The following SEM1 variants were observed in gnomAD, a reference collection of about 807,000 sequenced individuals.
The protein encoded by SEM1 is 26S proteasome complex subunit SEM1.
A neutral mutation model predicts 12.7 loss-of-function variants in SEM1; 3 were observed. The observed-to-expected ratio is 0.24, with a 90% CI of 0.11 to 0.61. The LOEUF is 0.61. Among genes scored for constraint, SEM1 ranks in the 20% least tolerant of loss-of-function variants. SEM1 has a pLI of 0.88. For missense variants in SEM1, 59 were observed against 81.3 expected, an observed-to-expected ratio of 0.73 and a Z score of 1.06; for synonymous variants, 30 against 27.8, an observed-to-expected ratio of 1.08 and a Z score of -0.25.
chr7:96,620,671 A>C (rs545974977), downstream of SEM1, among the ~76,000 whole-genome samples: 1 of 151,974 alleles, frequency 6.6e-6, no homozygotes, highest in Non-Finnish European at 1.5e-5. Flanking sequence ...GGTGCTTCCC[A>C]TGTCTTCTCT....
At chr7:96,491,067 G>A (rs546162099) in intron 1 of SEM1, among the ~76,000 whole-genome samples, 4 of 152,104 alleles carry the variant, frequency 2.6e-5, no homozygotes, top group Non-Finnish European at 1.5e-5. Context: ...CATGTATCTC[G>A]CTTTGCATTG....
intron 2 of SEM1, among the ~76,000 whole-genome samples, chr7:96,561,861 C>G (rs116719410): frequency 0.02 from 3,104 of 152,270 alleles, 93 homozygotes; most frequent in African/African-American, 0.07. Flanking sequence ...TCCTTAACAC[C>G]TAGGTGGAAA....
At chr7:96,498,810 G>A (rs1336555797), upstream of SEM1, among the ~76,000 whole-genome samples, 1 of 152,044 alleles carries the variant, frequency 6.6e-6, no homozygotes, top group Non-Finnish European at 1.5e-5. Context: ...AAGTAACCCT[G>A]TAACCTTGAG....
intron 2 of SEM1, among the ~76,000 whole-genome samples, chr7:96,634,795 A>C (rs1401896844): frequency 6.6e-6 from 1 of 151,940 alleles, no homozygotes; most frequent in African/African-American, 2.4e-5. Context: ...GGTGGAGAAG[A>C]GTAGGCAAGG....
At chr7:96,703,975 ACACAC>A (rs1790357126) in intron 1 of SEM1, among the ~76,000 whole-genome samples, 3 of 78,000 alleles carry the variant, frequency 3.8e-5, no homozygotes, top group Admixed American at 1.5e-4. Context: ...TCTTAAAAAC[ACACAC>A]ACACACACAC....
chr7:96,646,592 C>G (rs1161763395), intron 2 of SEM1, among the ~76,000 whole-genome samples: 2 of 152,096 alleles, frequency 1.3e-5, no homozygotes, highest in Admixed American at 1.3e-4. Flanking sequence ...TGCTGGCTGT[C>G]TATAATATGC....
chr7:96,582,601 C>G (rs566547910), intron 2 of SEM1, among the ~76,000 whole-genome samples: 49 of 152,304 alleles, frequency 3.2e-4, no homozygotes, highest in African/African-American at 1.2e-3. Context: ...CTGTCTGGTC[C>G]TAGACTCTTT....
chr7:96,708,943 TA>T (rs35050259), intron 1 of SEM1, among the ~76,000 whole-genome samples: 51,990 of 149,040 alleles, frequency 0.35, 10,263 homozygotes, highest in East Asian at 0.67. Flanking sequence ...GTTTTGAAGC[TA>T]AAAAAAAAAA....
chr7:96,636,275 A>C (rs1808421807), intron 2 of SEM1, among the ~76,000 whole-genome samples: 1 of 151,846 alleles, frequency 6.6e-6, no homozygotes, highest in Non-Finnish European at 1.5e-5. Flanking sequence ...AGGGCTTATA[A>C]CTCCTGGTTC....
At chr7:96,600,130 T>C (rs551047449) in intron 2 of SEM1, among the ~76,000 whole-genome samples, 1 of 151,578 alleles carries the variant, frequency 6.6e-6, no homozygotes, top group South Asian at 2.1e-4. Context: ...CTGATTTGCC[T>C]TTATTTTAAT....
downstream of SEM1, among the ~76,000 whole-genome samples, chr7:96,620,569 G>A (rs554274899): frequency 2.0e-5 from 3 of 152,252 alleles, no homozygotes; most frequent in East Asian, 1.9e-4. Flanking sequence ...AACCCATTTC[G>A]GAGCCCTGAG....
In SEM1 at chr7:96,643,729, C is replaced by G. The variant is rs547227367; in HGVS notation, c.171-21086G>C. 2.1e-3 allele frequency among the ~76,000 whole-genome samples: 313 copies of G among 152,206 alleles called. 1 individual carries two copies. The highest frequency in any genetic ancestry group is 7.3e-3 in the African/African-American group (302 of 41,526). On this transcript the variant is annotated intron_variant, in intron 2 of 2. Coordinates refer to the SEM1 transcript ENST00000417009. ...AACAGAAAACCAAACACCGCATGTT[C>G]TCACTCATAAATGGGAGTTGAACAA... is the stretch of plus-strand genomic sequence containing the variant.
upstream of SEM1, among the ~76,000 whole-genome samples, chr7:96,500,928 A>G (rs529197828): frequency 6.6e-6 from 1 of 151,966 alleles, no homozygotes; most frequent in East Asian, 1.9e-4. Flanking sequence ...TCTTGTTCTT[A>G]CTCCTTTTGC....
chr7:96,659,526 A>C (rs1179318378), intron 2 of SEM1, among the ~76,000 whole-genome samples: 1 of 152,212 alleles, frequency 6.6e-6, no homozygotes, highest in Non-Finnish European at 1.5e-5. Context: ...GAGAGACACA[A>C]GAGGAAAAGT....
At chr7:96,690,599 A>G (rs1253426818) in intron 2 of SEM1, among the ~76,000 whole-genome samples, 1 of 152,204 alleles carries the variant, frequency 6.6e-6, no homozygotes, top group Non-Finnish European at 1.5e-5. Flanking sequence ...CATACGACAT[A>G]CACAGTGAAC....
intron 2 of SEM1, among the ~76,000 whole-genome samples, chr7:96,552,640 G>A (rs954649285): frequency 1.3e-4 from 19 of 147,618 alleles, no homozygotes; most frequent in Admixed American, 3.4e-4. Context: ...GAATAATGCC[G>A]CAATAAACAT....
intron 2 of SEM1, among the ~76,000 whole-genome samples, chr7:96,656,254 C>T (rs1295143089): frequency 1.3e-5 from 2 of 152,146 alleles, no homozygotes; most frequent in Non-Finnish European, 2.9e-5. Context: ...TTGGCCAAAC[C>T]CACAAGTCTC....
intron 2 of SEM1, among the ~76,000 whole-genome samples, chr7:96,631,939 G>A (rs1208798418): frequency 4.6e-5 from 7 of 152,070 alleles, no homozygotes; most frequent in Non-Finnish European, 1.0e-4. Flanking sequence ...TACAGCCAAC[G>A]GACATATGAA....
At chr7:96,666,756 C>T (rs1457248767) in intron 2 of SEM1, among the ~76,000 whole-genome samples, 1 of 151,690 alleles carries the variant, frequency 6.6e-6, no homozygotes, top group African/African-American at 2.4e-5. Context: ...TTCTACCACT[C>T]TCTCTTACCA....
Sources: allele counts gnomAD v4.1 joint callset (sites outside exome capture counted in the v4.1 genomes callset), GRCh38; gene constraint gnomAD v4.1.1; transcripts MANE v1.5; gene names NCBI Gene and HGNC (gene_info 2026-07-23, HGNC 2026-07-21).